The following HECW1 variants were observed in gnomAD, a reference collection of about 807,000 sequenced individuals.
HECW1 encodes the protein E3 ubiquitin-protein ligase HECW1.
HECW1 carries 61 observed loss-of-function variants against 182.3 expected under a neutral mutation model. That is an observed-to-expected ratio of 0.33 (90% CI 0.27 to 0.41). The LOEUF is 0.41. Among genes scored for constraint, HECW1 ranks in the 10% least tolerant of loss-of-function variants. HECW1 has a pLI of 1.00. For missense variants in HECW1, 1,739 were observed against 2,108.9 expected, an observed-to-expected ratio of 0.82 and a Z score of 3.44; for synonymous variants, 859 against 832.6, an observed-to-expected ratio of 1.03 and a Z score of -0.55.
chr7:43,432,170 C>T lies in HECW1; in HGVS notation c.802-5833C>T, dbSNP rs1263702362. On this transcript the variant is annotated intron_variant, in intron 8 of 29. Coordinates refer to ENST00000395891, the MANE Select transcript of HECW1 (RefSeq NM_015052.5). The surrounding 1 kb of genome is among the most constrained non-coding windows in gnomAD (Gnocchi z 4.1). The stretch of plus-strand genomic sequence containing the variant: ...CTTTTTTTTTTTTGAGACGGAGTCT[C>T]GCTCTGTCGCCCGGGCTGGAGTGCA... 6.8e-6 allele frequency among the ~76,000 whole-genome samples: 1 copy of T among 147,054 alleles called. No homozygotes were observed. The highest frequency in any genetic ancestry group is 1.5e-5 in the Non-Finnish European group (1 of 67,242).
At chr7:43,288,138 C>A (rs1377226017) in intron 3 of HECW1, among the ~76,000 whole-genome samples, 2 of 152,128 alleles carry the variant, frequency 1.3e-5, no homozygotes, top group Non-Finnish European at 2.9e-5. Flanking sequence ...ATTAACATCT[C>A]TTCTTTCTCT....
intron 17 of HECW1, among the ~76,000 whole-genome samples, chr7:43,488,446 AAGAAAG>A (rs1268071932): frequency 2.2e-5 from 3 of 136,088 alleles, no homozygotes; most frequent in African/African-American, 5.9e-5. Context: ...GAAAGAAAGA[AAGAAAG>A]AAAGAAAGAA....
chr7:43,263,586 C>T (rs1245361156), intron 3 of HECW1, among the ~76,000 whole-genome samples: 1 of 152,136 alleles, frequency 6.6e-6, no homozygotes, highest in East Asian at 1.9e-4. Context: ...GTCTTGAACT[C>T]CTGACCTTGT....
chr7:43,112,850 C>T lies in HECW1; in HGVS notation c.-354C>T, dbSNP rs144009401. 7.7e-3 allele frequency: 1,745 copies of T among 226,840 alleles called. 8 individuals carry two copies. The highest frequency in any genetic ancestry group is 0.012 in the Non-Finnish European group (1,366 of 113,868). 14.1% of individuals were successfully genotyped at this position (226,840 alleles called of 1,614,324 possible). On this transcript the variant is annotated 5_prime_UTR_variant, in exon 1 of 30. Coordinates refer to ENST00000395891, the MANE Select transcript of HECW1 (RefSeq NM_015052.5). ...CCCTCCCCAGCCAGTCCCAGGCGCC[C>T]GGTGCACTATGCGGGGCACGTGCGC...
chr7:43,373,853 A>G lies in HECW1; in HGVS notation c.555+12873A>G, dbSNP rs1422166605. On this transcript the variant is annotated intron_variant, in intron 6 of 29. Transcript: ENST00000395891. ...CCTACTTCCTGTCTCTAGGAATTTG[A>G]CCACACTAGGCACCTCATATAGGAG... Among the ~76,000 whole-genome samples the G allele has an allele frequency of 5.9e-5, 9 of 152,280 alleles. No homozygotes were observed. In the East Asian group the frequency reaches 1.7e-3, roughly 29 times the overall value.
chr7:43,509,497 T>C (rs932685289), intron 24 of HECW1: 7 of 164,126 alleles, frequency 4.3e-5, no homozygotes, highest in Non-Finnish European at 9.2e-5. Flanking sequence ...CCAGTGGCTT[T>C]AGCACTGTGG....
chr7:43,546,934 A>G (rs768249776), intron 26 of HECW1, among the ~76,000 whole-genome samples: 42 of 152,176 alleles, frequency 2.8e-4, no homozygotes, highest in Admixed American at 9.8e-4. Flanking sequence ...TTTTTCCAGA[A>G]CGGGGCACTT....
At chr7:43,157,108 A>G (rs529374922) in intron 2 of HECW1, among the ~76,000 whole-genome samples, 1 of 152,186 alleles carries the variant, frequency 6.6e-6, no homozygotes, top group Non-Finnish European at 1.5e-5. Flanking sequence ...CTTTATTTCA[A>G]AGGAATTTAC....
intron 2 of HECW1, among the ~76,000 whole-genome samples, chr7:43,131,931 A>G (rs576252711): frequency 7.2e-5 from 11 of 152,302 alleles, no homozygotes; most frequent in African/African-American, 2.6e-4. Flanking sequence ...TGAAAGCTGC[A>G]TGCTGAGGAC....
chr7:43,113,938 G>A, intron 1 of HECW1: 1 of 268,168 alleles, frequency 3.7e-6, no homozygotes, highest in Non-Finnish European at 7.2e-6. Context: ...GCGCGTAGGG[G>A]GAGCTGGCAG....
intron 6 of HECW1, among the ~76,000 whole-genome samples, chr7:43,392,893 G>A (rs776657355): frequency 6.6e-6 from 1 of 152,184 alleles, no homozygotes; most frequent in Non-Finnish European, 1.5e-5. Context: ...ACACTCTTTT[G>A]CTGAATTGCA....
chr7:43,542,470 A>T (rs570561730), intron 26 of HECW1, among the ~76,000 whole-genome samples: 2 of 151,502 alleles, frequency 1.3e-5, no homozygotes, highest in Admixed American at 1.3e-4. Flanking sequence ...TTATATGTAT[A>T]TAAAATATTC....
chr7:43,490,678 A>G (rs1159105493), intron 17 of HECW1, among the ~76,000 whole-genome samples: 1 of 152,210 alleles, frequency 6.6e-6, no homozygotes, highest in African/African-American at 2.4e-5. Flanking sequence ...ATTGATCAGC[A>G]AAGTTTTCTT....
chr7:43,318,361 A>G (rs1007756385), intron 4 of HECW1, among the ~76,000 whole-genome samples: 2 of 152,248 alleles, frequency 1.3e-5, no homozygotes, highest in African/African-American at 2.4e-5. Flanking sequence ...GTATTATGCA[A>G]TCTTCATGGT....
intron 7 of HECW1, among the ~76,000 whole-genome samples, chr7:43,405,378 A>G (rs1190963054): frequency 6.6e-6 from 1 of 152,180 alleles, no homozygotes. Flanking sequence ...GACTTATTAC[A>G]GTGAAAGGAC....
At chr7:43,201,729 A>G (rs1039473912) in intron 2 of HECW1, among the ~76,000 whole-genome samples, 3 of 152,250 alleles carry the variant, frequency 2.0e-5, no homozygotes, top group Non-Finnish European at 4.4e-5. Context: ...TTTGTCTGCA[A>G]TGACTTACGT....
intron 5 of HECW1, among the ~76,000 whole-genome samples, chr7:43,342,869 CA>C (rs35465449): frequency 0.51 from 76,358 of 150,520 alleles, 20,414 homozygotes; most frequent in Middle Eastern, 0.66. Flanking sequence ...ACTAAAGATA[CA>C]AAAAAATCAG....
chr7:43,271,175 A>G (rs1221853223), intron 3 of HECW1, among the ~76,000 whole-genome samples: 1 of 152,234 alleles, frequency 6.6e-6, no homozygotes, highest in African/African-American at 2.4e-5. Context: ...AACTTAACCA[A>G]GAAACTTTGG....
intron 6 of HECW1, among the ~76,000 whole-genome samples, chr7:43,385,546 T>C (rs2074760245): frequency 6.9e-6 from 1 of 145,268 alleles, no homozygotes; most frequent in African/African-American, 2.5e-5. Flanking sequence ...TCCTACACCA[T>C]GGCAGAGCCG....
Sources: allele counts gnomAD v4.1 joint callset (sites outside exome capture counted in the v4.1 genomes callset), GRCh38; gene constraint gnomAD v4.1.1; non-coding constraint Gnocchi (gnomAD v3.1); transcripts MANE v1.5; gene names NCBI Gene and HGNC (gene_info 2026-07-23, HGNC 2026-07-21).